PCDHGB1: variants seen among roughly 807,000 people sequenced by gnomAD.
PCDHGB1 encodes protocadherin gamma subfamily B, 1, also known as protocadherin gamma-B1.
A neutral mutation model predicts 56.6 loss-of-function variants in PCDHGB1; 34 were observed. That is an observed-to-expected ratio of 0.60 (90% confidence interval 0.46 to 0.80). PCDHGB1 has a LOEUF of 0.80. PCDHGB1 is among the 30% of genes least tolerant of loss of function. The probability of loss-of-function intolerance (pLI) is 0.00; values close to 1 mark genes in which losing one functional copy is unlikely to be tolerated. For synonymous variants in PCDHGB1, 561 were observed against 505.9 expected, an observed-to-expected ratio of 1.11 and a Z score of -1.46; for missense variants, 1,278 against 1,204.6, an observed-to-expected ratio of 1.06 and a Z score of -0.90.
rs766182165 is a variant in PCDHGB1 at position 141,478,048 on chromosome 5, C to T, written c.2410-16759C>T. ...ACACAGATTCACCCAGGCAGACTCT[C>T]ACGGTCTTGATCAAAGACAATGGGG... On this transcript the variant is annotated intron_variant, in intron 1 of 3. Transcript: ENST00000523390. 5.6e-6 allele frequency: 9 copies of T among 1,614,040 alleles called. No homozygotes were observed. In the Admixed American group the frequency reaches 1.0e-4, roughly 18 times the overall value.
chr5:141,453,930 T>G (rs944390811), intron 1 of PCDHGB1, among the ~76,000 whole-genome samples: 10 of 152,242 alleles, frequency 6.6e-5, no homozygotes, highest in Non-Finnish European at 1.0e-4. Flanking sequence ...AGTCACTGTG[T>G]GCCTATAATT....
intron 1 of PCDHGB1, among the ~76,000 whole-genome samples, chr5:141,354,260 G>C (rs914348082): frequency 6.6e-6 from 1 of 151,652 alleles, no homozygotes; most frequent in Non-Finnish European, 1.5e-5. Context: ...CATTGTTTTA[G>C]GCTTTGCATT....
chr5:141,489,069 C>G lies in PCDHGB1; in HGVS notation c.2410-5738C>G. ...TCAAATTCAGCTCCCCTCCCCCCTGCCCACCCCCGCCACTCGGTGACTAAG... is the reference window on the plus strand; with the variant it reads ...TCAAATTCAGCTCCCCTCCCCCCTGGCCACCCCCGCCACTCGGTGACTAAG... On this transcript the variant is annotated intron_variant, in intron 1 of 3. Coordinates refer to ENST00000523390, the MANE Select transcript of PCDHGB1 (RefSeq NM_018922.3). The surrounding 1 kb of genome is among the most constrained non-coding windows in gnomAD (Gnocchi z 4.5). 6.4e-5 allele frequency: 18 copies of G among 281,056 alleles called. No homozygotes were observed. Among genetic ancestry groups the G allele is most frequent in the Middle Eastern group, 1.1e-3 (1 of 944 alleles). 17.4% of individuals were successfully genotyped at this position (281,056 alleles called of 1,614,324 possible).
At chr5:141,376,154 C>T (rs1425376305) in intron 1 of PCDHGB1, 11 of 1,614,032 alleles carry the variant, frequency 6.8e-6, no homozygotes, top group Middle Eastern at 1.7e-4. Flanking sequence ...GGACCTCACT[C>T]TGTACCTGGT....
chr5:141,390,436 C>A, intron 1 of PCDHGB1: 1 of 949,978 alleles, frequency 1.1e-6, no homozygotes, highest in Non-Finnish European at 1.5e-6. Flanking sequence ...TCATATCATT[C>A]TACAAAGGAG....
intron 1 of PCDHGB1, chr5:141,393,788 G>A (rs2092844033): frequency 6.2e-7 from 1 of 1,613,938 alleles, no homozygotes. Context: ...AAGATGTGGG[G>A]GCACTTCTGG....
At chr5:141,498,991 AG>A (rs1449718352) in intron 2 of PCDHGB1, among the ~76,000 whole-genome samples, 8 of 144,362 alleles carry the variant, frequency 5.5e-5, no homozygotes, top group Non-Finnish European at 1.0e-4. Context: ...GAAGGAAGGA[AG>A]GAAGGAAGGA....
chr5:141,441,737 C>T lies in PCDHGB1; in HGVS notation c.2410-53070C>T, dbSNP rs2098268916. 5 of 365,122 alleles carry T rather than the reference C, an allele frequency of 1.4e-5. 1 individual carries two copies. The highest frequency in any genetic ancestry group is 1.1e-4 in the South Asian group (5 of 46,286). 22.6% of individuals were successfully genotyped at this position (365,122 alleles called of 1,614,324 possible). ...TGCAGGCCCGCGACCAGGACTAGCT[C>T]GCGCTCGGCGTCAACGTGAGCCTGC... On this transcript the variant is annotated intron_variant, in intron 1 of 3. Transcript: ENST00000523390.
Position 141,372,614 on chromosome 5 carries a change from C to A in PCDHGB1, c.2409+19945C>A, listed in dbSNP as rs759304946. 6.2e-6 allele frequency: 10 copies of A among 1,613,984 alleles called. No individual in the cohort carries two copies. The South Asian group carries it at 8.8e-5, about 14-fold the overall frequency. On this transcript the variant is annotated intron_variant, in intron 1 of 3. Coordinates refer to ENST00000523390, the MANE Select transcript of PCDHGB1 (RefSeq NM_018922.3). Reference sequence around the variant, plus strand: ...GCTTCAAGACTGTACCTGGAGTTCTCCCCACCTACAGCGAAAGGACTTTGC... The same window carrying A: ...GCTTCAAGACTGTACCTGGAGTTCTACCCACCTACAGCGAAAGGACTTTGC...
chr5:141,402,746 T>C (rs956909207), intron 1 of PCDHGB1, among the ~76,000 whole-genome samples: 2 of 152,224 alleles, frequency 1.3e-5, no homozygotes, highest in African/African-American at 4.8e-5. Context: ...TGATCAACTC[T>C]AAGCGAAAAT....
rs70988800 is a variant in PCDHGB1 at position 141,379,889 on chromosome 5, C to CTTTTTTTTTTTTTTTTT, written c.2409+27234_2409+27250dup. On this transcript the variant is annotated intron_variant, in intron 1 of 3. Transcript: ENST00000523390. ...CTTATTTTATGGTCTGTGAAAGCCT[C>CTTTTTTTTTTTTTTTTT]TTTTTTTTTTTTTTTTTTTTTTTTT... Among the ~76,000 whole-genome samples the CTTTTTTTTTTTTTTTTT allele has an allele frequency of 3.2e-3, 165 of 50,828 alleles. 28 individuals carry two copies. Among genetic ancestry groups the CTTTTTTTTTTTTTTTTT allele is most frequent in the Non-Finnish European group, 4.5e-3 (116 of 25,882 alleles). The allele number at this position is 50,828 out of a possible 152,430, so 33.3% of individuals were successfully genotyped here. A position where few individuals can be genotyped will look rare whatever the true frequency, so the allele number is the denominator to read the frequency against.
At chr5:141,402,597 T>G (rs1268830791) in intron 1 of PCDHGB1, among the ~76,000 whole-genome samples, 1 of 152,254 alleles carries the variant, frequency 6.6e-6, no homozygotes, top group African/African-American at 2.4e-5. Context: ...TAGATTGCTT[T>G]TGAAATACAA....
chr5:141,355,938 G>A (rs556759092), intron 1 of PCDHGB1: 1 of 1,613,878 alleles, frequency 6.2e-7, no homozygotes, highest in Admixed American at 1.7e-5. Flanking sequence ...CTCAGCCCGA[G>A]TACCACGTAA....
chr5:141,365,004 C>A (rs746525916), intron 1 of PCDHGB1: 1 of 1,613,818 alleles, frequency 6.2e-7, no homozygotes, highest in African/African-American at 1.3e-5. Flanking sequence ...CTCTCCGGCA[C>A]CACGCACATC....
intron 1 of PCDHGB1, chr5:141,421,067 T>G: frequency 1.4e-5 from 8 of 591,772 alleles, no homozygotes; most frequent in Non-Finnish European, 2.3e-5. Flanking sequence ...CAAAGCGGAA[T>G]GAGATGGATA....
At chr5:141,420,413 A>T in intron 1 of PCDHGB1, 1 of 1,222,396 alleles carries the variant, frequency 8.2e-7, no homozygotes, top group Non-Finnish European at 1.1e-6. Context: ...GGTTATCATT[A>T]TTAAAACAAA....
chr5:141,506,447 A>G (rs1405495926), intron 3 of PCDHGB1, among the ~76,000 whole-genome samples: 3 of 146,906 alleles, frequency 2.0e-5, no homozygotes, highest in Non-Finnish European at 3.0e-5. Flanking sequence ...TCTGTCTCAA[A>G]AAAAAAAAAA....
intron 1 of PCDHGB1, chr5:141,441,530 A>T (rs2154559371): frequency 5.8e-6 from 1 of 172,118 alleles, no homozygotes; most frequent in Non-Finnish European, 1.2e-5. Flanking sequence ...GCCAAGAACA[A>T]TCTTCCCAAA....
At chr5:141,413,390 C>T (rs1373497766) in intron 1 of PCDHGB1, 1 of 1,614,010 alleles carries the variant, frequency 6.2e-7, no homozygotes, top group African/African-American at 1.3e-5. Context: ...CGCATAGTCT[C>T]CAGAGGTAGG....
Sources: allele counts gnomAD v4.1 joint callset (sites outside exome capture counted in the v4.1 genomes callset), GRCh38; gene constraint gnomAD v4.1.1; non-coding constraint Gnocchi (gnomAD v3.1); transcripts MANE v1.5; gene names NCBI Gene and HGNC (gene_info 2026-07-23, HGNC 2026-07-21).